The following ZRANB3 variants were observed in gnomAD, a reference collection of about 807,000 sequenced individuals.
ZRANB3 encodes the protein DNA annealing helicase and endonuclease ZRANB3.
ZRANB3 carries 125 observed loss-of-function variants against 133.8 expected under a neutral mutation model. That is an observed-to-expected ratio of 0.93 (90% CI 0.81 to 1.08). The LOEUF (loss-of-function observed/expected upper bound fraction) is 1.08. ZRANB3 is among the 50% of genes least tolerant of loss of function. ZRANB3 has a pLI of 0.00. For synonymous variants in ZRANB3, 387 were observed against 432.7 expected (o/e 0.89, Z 1.31); for missense variants, 1,229 against 1,275.5 (o/e 0.96, Z 0.56).
At chr2:135,396,642 A>G (rs1687500041) in intron 2 of ZRANB3, among the ~76,000 whole-genome samples, 1 of 152,142 alleles carries the variant, frequency 6.6e-6, no homozygotes, top group African/African-American at 2.4e-5. Context: ...GATAGAGAAT[A>G]GAATGATGGT....
intron 1 of ZRANB3, chr2:135,511,611 C>A: frequency 6.2e-6 from 5 of 801,078 alleles, no homozygotes; most frequent in Non-Finnish European, 1.1e-5. Context: ...CAAGTACGAA[C>A]ATCTGCATGA....
At chr2:135,418,713 T>C (rs1031959019) in intron 2 of ZRANB3, among the ~76,000 whole-genome samples, 1 of 151,900 alleles carries the variant, frequency 6.6e-6, no homozygotes, top group Admixed American at 6.6e-5. Flanking sequence ...CTGAAGACGG[T>C]GGGCAGAGGA....
chr2:135,402,593 C>CTT (rs58855043), intron 2 of ZRANB3, among the ~76,000 whole-genome samples: 4 of 143,624 alleles, frequency 2.8e-5, no homozygotes, highest in African/African-American at 7.6e-5. Context: ...TGCACCCAGA[C>CTT]TTTTTTTTTT....
intron 8 of ZRANB3, among the ~76,000 whole-genome samples, chr2:135,295,463 G>T (rs1463711841): frequency 2.0e-5 from 3 of 152,056 alleles, no homozygotes; most frequent in African/African-American, 7.2e-5. Context: ...TTTTGAGCCT[G>T]TGTGTGTCTC....
intron 12 of ZRANB3, among the ~76,000 whole-genome samples, chr2:135,262,145 T>C (rs1679995003): frequency 8.5e-6 from 1 of 118,112 alleles, no homozygotes. Context: ...GGCGACAGAG[T>C]GAGACTCCAT....
chr2:135,473,771 A>C (rs1443739440), intron 2 of ZRANB3, among the ~76,000 whole-genome samples: 3 of 152,186 alleles, frequency 2.0e-5, no homozygotes, highest in Non-Finnish European at 2.9e-5. Flanking sequence ...TTAGACCCCC[A>C]GGTGGCAGTG....
At chr2:135,249,926 A>G (rs2105093589) in intron 12 of ZRANB3, among the ~76,000 whole-genome samples, 1 of 152,344 alleles carries the variant, frequency 6.6e-6, no homozygotes, top group East Asian at 1.9e-4. Flanking sequence ...TGCTGACAAG[A>G]TACCTGAAAA....
At position 135,363,993 on chromosome 2, in the gene ZRANB3, T is replaced by G. The variant is rs534515723; in HGVS notation, c.181-10365A>C. 2.2e-4 allele frequency among the ~76,000 whole-genome samples: 33 copies of G among 152,096 alleles called. No homozygotes were observed. In the South Asian group the frequency reaches 5.8e-3, roughly 27 times the overall value. ...GGGGAGGCTGAGCTAGGAGGATTGT[T>G]TGAGGCCAGGACACTGCACTTCAGC... On this transcript the variant is annotated intron_variant, in intron 3 of 20. Coordinates refer to ENST00000264159, the MANE Select transcript of ZRANB3 (RefSeq NM_032143.4).
chr2:135,464,110 G>GT (rs371756856), intron 2 of ZRANB3, among the ~76,000 whole-genome samples: 30 of 152,298 alleles, frequency 2.0e-4, no homozygotes, highest in African/African-American at 7.2e-4. Flanking sequence ...CAACAGACAG[G>GT]TAAGGTCAAT....
chr2:135,432,789 T>C (rs965014033), intron 2 of ZRANB3, among the ~76,000 whole-genome samples: 1 of 152,102 alleles, frequency 6.6e-6, no homozygotes, highest in African/African-American at 2.4e-5. Flanking sequence ...AACAAAAAGT[T>C]AGGAGTTGGA....
At chr2:135,235,545 A>G (rs1322272398) in intron 12 of ZRANB3, among the ~76,000 whole-genome samples, 3 of 152,078 alleles carry the variant, frequency 2.0e-5, no homozygotes, top group African/African-American at 7.2e-5. Context: ...TCAATAAAAT[A>G]CTGGCAAACC....
chr2:135,339,588 A>C (rs1684536755), intron 6 of ZRANB3, among the ~76,000 whole-genome samples: 1 of 152,184 alleles, frequency 6.6e-6, no homozygotes, highest in Non-Finnish European at 1.5e-5. Flanking sequence ...TCTCAAAAAA[A>C]ACCCAAAACA....
chr2:135,333,288 A>G lies in ZRANB3; in HGVS notation c.677+12262T>C, dbSNP rs1684232604. Among the ~76,000 whole-genome samples, 3 of 152,210 alleles carry G rather than the reference A, an allele frequency of 2.0e-5. No individual in the cohort carries two copies. The South Asian group carries it at 6.2e-4, about 32-fold the overall frequency. ...CTCTCAACTTCCTGCCATCCCCGAA[A>G]GTACAGTATATTTCCAATGATACAA... On this transcript the variant is annotated intron_variant, in intron 6 of 20. Transcript: ENST00000264159.
chr2:135,357,398 C>T (rs1228315494), intron 3 of ZRANB3, among the ~76,000 whole-genome samples: 1 of 152,076 alleles, frequency 6.6e-6, no homozygotes, highest in Admixed American at 6.5e-5. Context: ...TGGGTTCAAG[C>T]GATTCTCCTG....
chr2:135,323,101 TG>T (rs1330812313), intron 6 of ZRANB3, among the ~76,000 whole-genome samples: 1 of 152,124 alleles, frequency 6.6e-6, no homozygotes, highest in East Asian at 1.9e-4. Flanking sequence ...TTTTCATTAG[TG>T]TTTTGCAGGT....
At chr2:135,528,648 TAA>T (rs576879098) in intron 1 of ZRANB3, among the ~76,000 whole-genome samples, 1 of 143,626 alleles carries the variant, frequency 7.0e-6, no homozygotes, top group African/African-American at 2.6e-5. Context: ...CACAAACAAA[TAA>T]AAAAAAAAAC....
At chr2:135,384,926 G>C (rs931478366) in intron 3 of ZRANB3, among the ~76,000 whole-genome samples, 1 of 152,098 alleles carries the variant, frequency 6.6e-6, no homozygotes, top group Non-Finnish European at 1.5e-5. Flanking sequence ...CCCTTTGAAA[G>C]CTGGCACAAG....
intron 2 of ZRANB3, among the ~76,000 whole-genome samples, chr2:135,438,261 T>C (rs970524113): frequency 6.6e-5 from 10 of 152,124 alleles, no homozygotes; most frequent in Non-Finnish European, 1.2e-4. Context: ...ACATTTTTTA[T>C]TGGGAGGCTG....
intron 3 of ZRANB3, among the ~76,000 whole-genome samples, chr2:135,362,325 A>G (rs576887587): frequency 1.3e-5 from 2 of 152,154 alleles, no homozygotes; most frequent in Non-Finnish European, 2.9e-5. Context: ...CTTCTTACTC[A>G]AGACAGAAGA....
Sources: gnomAD v4.1 joint callset for allele counts (sites outside exome capture counted in the v4.1 genomes callset) on GRCh38, gnomAD v4.1.1 for gene constraint, MANE v1.5 for transcripts, NCBI Gene and HGNC (gene_info 2026-07-23, HGNC 2026-07-21) for gene names.